Variants in LRP1B observed in about 807,000 individuals in gnomAD.
LRP1B encodes the protein LDL receptor related protein 1B, also known as low-density lipoprotein receptor-related protein 1B.
A neutral mutation model predicts 556.6 loss-of-function variants in LRP1B; 217 were observed. The ratio of observed to expected loss-of-function variants is 0.39; its 90% CI spans 0.35 to 0.44. The LOEUF (loss-of-function observed/expected upper bound fraction) is 0.44. Ranked by LOEUF, LRP1B falls within the 20% of genes least tolerant of loss-of-function variation. LRP1B has a pLI of 1.00. For missense variants in LRP1B, 5,053 were observed against 5,620.8 expected (o/e 0.90, Z 3.23); for synonymous variants, 2,047 against 1,865.8 (o/e 1.10, Z -2.50).
At chr2:141,607,123 A>C (rs975329475) in intron 2 of LRP1B, among the ~76,000 whole-genome samples, 1 of 149,582 alleles carries the variant, frequency 6.7e-6, no homozygotes, top group Non-Finnish European at 1.5e-5. Flanking sequence ...TACAAAATTT[A>C]ATATAGTGAA....
intron 15 of LRP1B, among the ~76,000 whole-genome samples, chr2:141,004,372 G>A (rs1038453729): frequency 2.6e-5 from 4 of 152,006 alleles, no homozygotes; most frequent in African/African-American, 7.2e-5. Flanking sequence ...CAAAAAGGCT[G>A]AACCTGTCAC....
At chr2:140,251,054 G>A (rs975264391) in intron 86 of LRP1B, among the ~76,000 whole-genome samples, 52 of 151,604 alleles carry the variant, frequency 3.4e-4, no homozygotes, top group African/African-American at 1.2e-3. Context: ...TTAATTTATC[G>A]TCTCCCTGAG....
At chr2:141,631,649 G>T (rs2105350050) in intron 2 of LRP1B, among the ~76,000 whole-genome samples, 1 of 151,474 alleles carries the variant, frequency 6.6e-6, no homozygotes, top group Middle Eastern at 3.5e-3. Flanking sequence ...AACCCTGTAA[G>T]GAAAGTTACT....
At chr2:141,454,175 C>T (rs1681541765) in intron 3 of LRP1B, among the ~76,000 whole-genome samples, 2 of 152,132 alleles carry the variant, frequency 1.3e-5, no homozygotes, top group African/African-American at 4.8e-5. Context: ...ATTAAAAGTA[C>T]ACAGACTGTC....
At chr2:140,495,519 A>G (rs1477650154) in intron 56 of LRP1B, 46 bp downstream of exon 56, 1 of 1,515,838 alleles carries the variant, frequency 6.6e-7, no homozygotes, top group Admixed American at 1.7e-5. Flanking sequence ...TTCAGGATCC[A>G]TATGTATAAC....
intron 72 of LRP1B, among the ~76,000 whole-genome samples, chr2:140,363,000 G>A (rs1260511779): frequency 6.6e-6 from 1 of 151,560 alleles, no homozygotes; most frequent in African/African-American, 2.4e-5. Context: ...CTTTTCTCAT[G>A]CTATTCACTT....
chr2:140,582,632 T>C (rs1253347064), intron 43 of LRP1B, among the ~76,000 whole-genome samples: 1 of 152,126 alleles, frequency 6.6e-6, no homozygotes, highest in Non-Finnish European at 1.5e-5. Context: ...GTTCATTCCT[T>C]CTGTCATGCG....
chr2:140,709,327 G>A (rs759718965), intron 37 of LRP1B, among the ~76,000 whole-genome samples: 1 of 151,926 alleles, frequency 6.6e-6, no homozygotes, highest in Non-Finnish European at 1.5e-5. Flanking sequence ...TTCATTGTTA[G>A]TATTAAATGA....
chr2:141,236,269 T>C (rs915017856), intron 5 of LRP1B, among the ~76,000 whole-genome samples: 1 of 152,198 alleles, frequency 6.6e-6, no homozygotes, highest in Non-Finnish European at 1.5e-5. Flanking sequence ...AATTGACATA[T>C]GCATTACCTC....
rs544315891 is a variant in LRP1B at position 140,258,302 on chromosome 2, C to T, written c.13248-11140G>A. On this transcript the variant is annotated intron_variant, in intron 86 of 90. Transcript: ENST00000389484. ...ACTTACATATTCACCTTGAATCCTTCTGCCTTAAAAAAAAAAAATCCACCC... is the reference window on the plus strand; with the variant it reads ...ACTTACATATTCACCTTGAATCCTTTTGCCTTAAAAAAAAAAAATCCACCC... 3.9e-3 allele frequency among the ~76,000 whole-genome samples: 490 copies of T among 126,258 alleles called. 2 individuals carry two copies. The highest frequency in any genetic ancestry group is 6.3e-3 in the Non-Finnish European group (342 of 54,322). 82.8% of individuals were successfully genotyped at this position (126,258 alleles called of 152,430 possible).
Position 141,903,321 on chromosome 2 carries a change from T to C in LRP1B, c.83-92920A>G, listed in dbSNP as rs528404601. ...AAGGTAAATCAACTTCTCCATGCTGTGCAACAAGCCATTGTTAAATCTGGA... is the reference window on the plus strand; with the variant it reads ...AAGGTAAATCAACTTCTCCATGCTGCGCAACAAGCCATTGTTAAATCTGGA... On this transcript the variant is annotated intron_variant, in intron 1 of 90. Coordinates refer to ENST00000389484, the MANE Select transcript of LRP1B (RefSeq NM_018557.3). Among the ~76,000 whole-genome samples, 5 of 152,052 alleles carry C rather than the reference T, an allele frequency of 3.3e-5. No individual in the cohort carries two copies. The East Asian group carries it at 9.7e-4, about 29-fold the overall frequency.
rs70985101 is a variant in LRP1B at position 140,511,292 on chromosome 2, C to CTTTTTTTTTTTTTTT, written c.8270-1251_8270-1237dup. On this transcript the variant is annotated intron_variant, in intron 51 of 90. Coordinates refer to ENST00000389484, the MANE Select transcript of LRP1B (RefSeq NM_018557.3). ...TATCAAAATACAATCCTCTAAGGGT[C>CTTTTTTTTTTTTTTT]TTTTTTTTTTTTTTTTTTTTTTTTT... 1.5e-4 allele frequency among the ~76,000 whole-genome samples: 9 copies of CTTTTTTTTTTTTTTT among 58,456 alleles called. 1 individual carries two copies. The highest frequency in any genetic ancestry group is 6.3e-4 in the African/African-American group (9 of 14,238). The allele number at this position is 58,456 out of a possible 152,430, so 38.3% of individuals were successfully genotyped here.
At chr2:140,858,257 C>G (rs536757233) in intron 27 of LRP1B, among the ~76,000 whole-genome samples, 3 of 151,794 alleles carry the variant, frequency 2.0e-5, no homozygotes, top group Non-Finnish European at 2.9e-5. Flanking sequence ...ACTGAGAAGC[C>G]CTGATTTTGG....
chr2:140,526,169 G>T (rs895328998), intron 48 of LRP1B, 68 bp downstream of exon 48: 1 of 1,469,034 alleles, frequency 6.8e-7, no homozygotes, highest in Admixed American at 1.7e-5. Context: ...GTAAAATCTT[G>T]CACAGTGTTC....
chr2:141,832,352 C>T (rs908463597), intron 1 of LRP1B, among the ~76,000 whole-genome samples: 15 of 151,094 alleles, frequency 9.9e-5, no homozygotes, highest in Non-Finnish European at 4.4e-5. Context: ...CACACACACA[C>T]ACACACACAC....
At chr2:140,247,035 A>G (rs1173038193) in intron 87 of LRP1B, 51 bp downstream of exon 87, 9 of 1,285,774 alleles carry the variant, frequency 7.0e-6, no homozygotes, top group East Asian at 4.7e-5. Flanking sequence ...TGACATAACA[A>G]TGATTTATAT....
intron 2 of LRP1B, among the ~76,000 whole-genome samples, chr2:141,647,931 GA>G (rs796686486): frequency 1.6e-4 from 24 of 152,012 alleles, no homozygotes; most frequent in African/African-American, 5.1e-4. Context: ...CAAAAAATAA[GA>G]AAAAAAATTT....
intron 35 of LRP1B, among the ~76,000 whole-genome samples, chr2:140,722,057 A>ATT (rs1687423350): frequency 1.3e-5 from 2 of 151,982 alleles, no homozygotes; most frequent in African/African-American, 4.8e-5. Flanking sequence ...GGCAGCCGCT[A>ATT]TTTTGACTTC....
At chr2:141,582,863 T>C (rs991303757) in intron 2 of LRP1B, among the ~76,000 whole-genome samples, 1 of 122,822 alleles carries the variant, frequency 8.1e-6, no homozygotes, top group African/African-American at 2.9e-5. Context: ...TGAGACGGAG[T>C]TTTGCTCTGT....
Sources: gnomAD v4.1 joint callset for allele counts (sites outside exome capture counted in the v4.1 genomes callset) on GRCh38, gnomAD v4.1.1 for gene constraint, MANE v1.5 for transcripts, NCBI Gene and HGNC (gene_info 2026-07-23, HGNC 2026-07-21) for gene names.